The following PPM1H variants were observed in gnomAD, a reference collection of about 807,000 sequenced individuals.
PPM1H encodes the protein protein phosphatase, Mg2+/Mn2+ dependent 1H.
In PPM1H, 27 loss-of-function variants were observed where a neutral mutation model predicts 54.9. The ratio of observed to expected loss-of-function variants is 0.49; its 90% CI spans 0.36 to 0.68. PPM1H has a LOEUF of 0.68. PPM1H is among the 30% of genes least tolerant of loss of function. The pLI is 0.00. For missense variants in PPM1H, 596 were observed against 667.8 expected (o/e 0.89, Z 1.19); for synonymous variants, 305 against 270.8 (o/e 1.13, Z -1.24).
chr12:62,881,429 A>C (rs547669900), intron 1 of PPM1H, among the ~76,000 whole-genome samples: 16 of 152,064 alleles, frequency 1.1e-4, no homozygotes, highest in Non-Finnish European at 2.4e-4. Context: ...AAAGGGAAAG[A>C]AGACAGGAAG....
chr12:62,877,917 A>G (rs752455751), intron 1 of PPM1H, among the ~76,000 whole-genome samples: 1 of 152,108 alleles, frequency 6.6e-6, no homozygotes, highest in Non-Finnish European at 1.5e-5. Context: ...TTCTTTTTTG[A>G]GGCGGGGTCT....
intron 1 of PPM1H, among the ~76,000 whole-genome samples, chr12:62,932,751 C>T (rs1024943979): frequency 5.4e-5 from 8 of 149,250 alleles, no homozygotes; most frequent in African/African-American, 2.0e-4. Context: ...TCTCCCGCCT[C>T]AGCCTCCCGA....
intron 2 of PPM1H, among the ~76,000 whole-genome samples, chr12:62,823,766 T>C (rs1347526273): frequency 6.6e-6 from 1 of 152,188 alleles, no homozygotes; most frequent in African/African-American, 2.4e-5. Context: ...ATAGGAGCTA[T>C]TTATGACAAA....
At chr12:62,680,091 T>G (rs550772533) in intron 8 of PPM1H, among the ~76,000 whole-genome samples, 2 of 152,332 alleles carry the variant, frequency 1.3e-5, no homozygotes, top group African/African-American at 4.8e-5. Flanking sequence ...AAACATGGAC[T>G]GGCCTTAGAG....
At chr12:62,911,830 A>T (rs941994570) in intron 1 of PPM1H, among the ~76,000 whole-genome samples, 2 of 152,160 alleles carry the variant, frequency 1.3e-5, no homozygotes, top group African/African-American at 4.8e-5. Context: ...AACTTCCCCC[A>T]AACCAGAACA....
At position 62,908,425 on chromosome 12, in the gene PPM1H, A is replaced by AAG. The variant is rs59112020; in HGVS notation, c.245+26066_245+26067insCT. 8.2e-5 allele frequency among the ~76,000 whole-genome samples: 10 copies of AAG among 122,532 alleles called. No homozygotes were observed. The East Asian group carries it at 2.2e-3, about 28-fold the overall frequency. 80.4% of individuals were successfully genotyped at this position (122,532 alleles called of 152,430 possible). On this transcript the variant is annotated intron_variant, in intron 1 of 9. Transcript: ENST00000228705. Reference sequence around the variant, plus strand: ...TCCGTCTCAAAAAAAAAAAAAAAAAAGAAAGAAAGAAAGAAATTGAGTTTT... The same window carrying AAG: ...TCCGTCTCAAAAAAAAAAAAAAAAAAAGGAAAGAAAGAAAGAAATTGAGTTTT...
chr12:62,903,518 A>C (rs2121121447), intron 1 of PPM1H, among the ~76,000 whole-genome samples: 1 of 152,358 alleles, frequency 6.6e-6, no homozygotes, highest in African/African-American at 2.4e-5. Context: ...CTGGTTAAGT[A>C]ACAACTAGGC....
At chr12:62,735,907 G>A (rs1259783966) in intron 5 of PPM1H, among the ~76,000 whole-genome samples, 2 of 152,238 alleles carry the variant, frequency 1.3e-5, no homozygotes, top group Non-Finnish European at 2.9e-5. Flanking sequence ...TCCTGGAAAT[G>A]GAAGGTAGTT....
At chr12:62,811,613 T>C (rs567536236) in intron 2 of PPM1H, among the ~76,000 whole-genome samples, 1 of 152,316 alleles carries the variant, frequency 6.6e-6, no homozygotes, top group South Asian at 2.1e-4. Context: ...GGAGGGACCC[T>C]GTCGGAGGTC....
At chr12:62,902,489 T>C (rs1019126087) in intron 1 of PPM1H, among the ~76,000 whole-genome samples, 5 of 152,240 alleles carry the variant, frequency 3.3e-5, no homozygotes, top group Non-Finnish European at 2.9e-5. Context: ...CACTGGAACA[T>C]TTTCCAGACA....
chr12:62,926,124 A>G (rs2121180057), intron 1 of PPM1H, among the ~76,000 whole-genome samples: 1 of 152,288 alleles, frequency 6.6e-6, no homozygotes, highest in South Asian at 2.1e-4. Context: ...CCAAAAATTC[A>G]AAATTGGAAT....
At chr12:62,874,599 G>C (rs1870098447) in intron 1 of PPM1H, among the ~76,000 whole-genome samples, 1 of 151,988 alleles carries the variant, frequency 6.6e-6, no homozygotes, top group Admixed American at 6.6e-5. Flanking sequence ...CTATTACCAA[G>C]AATTGGGATC....
intron 4 of PPM1H, among the ~76,000 whole-genome samples, chr12:62,784,163 C>T (rs1327465594): frequency 2.0e-5 from 3 of 152,142 alleles, no homozygotes; most frequent in African/African-American, 7.2e-5. Context: ...CTGCATGTGC[C>T]TCTGTGGCTG....
At chr12:62,710,962 A>C (rs1012274240) in intron 6 of PPM1H, among the ~76,000 whole-genome samples, 5 of 152,152 alleles carry the variant, frequency 3.3e-5, no homozygotes, top group African/African-American at 1.2e-4. Flanking sequence ...ACTCAACCTT[A>C]CTAACCCATA....
intron 2 of PPM1H, among the ~76,000 whole-genome samples, chr12:62,824,023 C>T (rs1237638498): frequency 1.3e-5 from 2 of 151,450 alleles, no homozygotes; most frequent in East Asian, 3.9e-4. Context: ...CCCAAAATCT[C>T]CTTAAGCTGA....
At chr12:62,697,319 T>C (rs756479376) in intron 6 of PPM1H, among the ~76,000 whole-genome samples, 5 of 152,120 alleles carry the variant, frequency 3.3e-5, no homozygotes, top group Non-Finnish European at 7.3e-5. Flanking sequence ...GGTTTCACCA[T>C]GTTGACCAGG....
intron 5 of PPM1H, among the ~76,000 whole-genome samples, chr12:62,736,032 G>A (rs1464954297): frequency 6.6e-6 from 1 of 152,190 alleles, no homozygotes; most frequent in Non-Finnish European, 1.5e-5. Context: ...AGGGCGGTCT[G>A]CATTCTGTAA....
chr12:62,928,695 T>C (rs1036040524), intron 1 of PPM1H, among the ~76,000 whole-genome samples: 7 of 152,224 alleles, frequency 4.6e-5, no homozygotes, highest in African/African-American at 1.2e-4. Flanking sequence ...CCAAACTTGA[T>C]ACCTGCTCAA....
At chr12:62,787,272 C>A (rs1003936252) in intron 4 of PPM1H, among the ~76,000 whole-genome samples, 1 of 152,008 alleles carries the variant, frequency 6.6e-6, no homozygotes. Flanking sequence ...AGCAGGAGAG[C>A]CCACAAGAGC....
Sources: allele counts gnomAD v4.1 joint callset (sites outside exome capture counted in the v4.1 genomes callset), GRCh38; gene constraint gnomAD v4.1.1; transcripts MANE v1.5; gene names NCBI Gene and HGNC (gene_info 2026-07-23, HGNC 2026-07-21).